The following MACROD2 variants were observed in gnomAD, a reference collection of about 807,000 sequenced individuals.
The protein encoded by MACROD2 is mono-ADP ribosylhydrolase 2.
MACROD2 carries 36 observed loss-of-function variants against 70.4 expected under a neutral mutation model. The observed-to-expected ratio is 0.51, with a 90% CI of 0.39 to 0.68. The LOEUF (loss-of-function observed/expected upper bound fraction) is 0.68, where lower values mean the gene tolerates loss of function less well. Ranked by LOEUF, MACROD2 falls within the 30% of genes least tolerant of loss-of-function variation. The pLI is 0.00. For missense variants in MACROD2, 496 were observed against 538.4 expected, an observed-to-expected ratio of 0.92 and a Z score of 0.78; for synonymous variants, 172 against 178.8, an observed-to-expected ratio of 0.96 and a Z score of 0.30.
At chr20:14,412,461 C>A (rs1424284650) in intron 3 of MACROD2, among the ~76,000 whole-genome samples, 1 of 152,128 alleles carries the variant, frequency 6.6e-6, no homozygotes, top group East Asian at 1.9e-4. Flanking sequence ...TCATTCTCAA[C>A]CAGTTACAGA....
At chr20:14,481,970 A>G (rs974030482) in intron 3 of MACROD2, among the ~76,000 whole-genome samples, 1 of 152,208 alleles carries the variant, frequency 6.6e-6, no homozygotes, top group Non-Finnish European at 1.5e-5. Context: ...CATATTTTCT[A>G]CCTTGATAAG....
chr20:14,571,921 G>A (rs1261336014), intron 4 of MACROD2, among the ~76,000 whole-genome samples: 1 of 152,008 alleles, frequency 6.6e-6, no homozygotes, highest in Non-Finnish European at 1.5e-5. Flanking sequence ...TACTTTATTA[G>A]TTCAAGACTG....
At chr20:14,081,753 T>C (rs2423771) in intron 2 of MACROD2, among the ~76,000 whole-genome samples, 150,906 of 152,338 alleles carry the variant, frequency 0.99, 74,758 homozygotes, top group East Asian at 1. Flanking sequence ...CAAAAATACT[T>C]CATTAGGTTT....
chr20:14,506,927 G>A (rs2084975605), intron 4 of MACROD2, among the ~76,000 whole-genome samples: 1 of 152,078 alleles, frequency 6.6e-6, no homozygotes, highest in Non-Finnish European at 1.5e-5. Flanking sequence ...CTCCAGCCTG[G>A]GTGACAGAGC....
intron 6 of MACROD2, among the ~76,000 whole-genome samples, chr20:15,422,122 G>C (rs1312105515): frequency 1.3e-5 from 2 of 152,122 alleles, no homozygotes; most frequent in Admixed American, 1.3e-4. Flanking sequence ...GAAGGGAGGG[G>C]CTAAGGAAGC....
intron 3 of MACROD2, among the ~76,000 whole-genome samples, chr20:14,305,933 G>T (rs2082517145): frequency 6.6e-6 from 1 of 150,610 alleles, no homozygotes; most frequent in African/African-American, 2.4e-5. Flanking sequence ...CTCCTTTATT[G>T]GTGCCTTTCT....
chr20:14,713,153 A>G (rs1422296677), intron 5 of MACROD2, among the ~76,000 whole-genome samples: 1 of 152,144 alleles, frequency 6.6e-6, no homozygotes. Flanking sequence ...GCATGGGTAC[A>G]TGTGCCTTAG....
At chr20:14,819,506 T>C (rs1251833916) in intron 5 of MACROD2, among the ~76,000 whole-genome samples, 1 of 151,960 alleles carries the variant, frequency 6.6e-6, no homozygotes, top group Non-Finnish European at 1.5e-5. Flanking sequence ...TACCACCTTC[T>C]AAGACAGAGA....
At chr20:15,848,277 T>G (rs1051598591) in intron 8 of MACROD2, among the ~76,000 whole-genome samples, 1 of 152,060 alleles carries the variant, frequency 6.6e-6, no homozygotes, top group Non-Finnish European at 1.5e-5. Context: ...TAAGTCATGA[T>G]TTTCCACCTG....
At chr20:15,501,562 ATCTTT>A (rs2047365073) in intron 8 of MACROD2, among the ~76,000 whole-genome samples, 1 of 152,156 alleles carries the variant, frequency 6.6e-6, no homozygotes, top group African/African-American at 2.4e-5. Context: ...TGCCTACCCT[ATCTTT>A]GAGTCCATTC....
chr20:14,518,653 A>G (rs983610682), intron 4 of MACROD2, among the ~76,000 whole-genome samples: 3 of 152,170 alleles, frequency 2.0e-5, no homozygotes, highest in Non-Finnish European at 4.4e-5. Flanking sequence ...TTGTTAGAGA[A>G]GGTTATGGTA....
In MACROD2 at chr20:14,638,711, G is replaced by A. The variant is rs145982298; in HGVS notation, c.302-46132G>A. Among the ~76,000 whole-genome samples the A allele has an allele frequency of 3.5e-3, 535 of 152,302 alleles. 6 individuals carry two copies. The highest frequency in any genetic ancestry group is 0.012 in the African/African-American group (513 of 41,562). On this transcript the variant is annotated intron_variant, in intron 4 of 17. Transcript: ENST00000684519. Reference sequence around the variant, plus strand: ...CACACCTGTAATCCCAACACTTTGTGAGGCCATGGCGGGAGGATCACGAGA... The same window carrying A: ...CACACCTGTAATCCCAACACTTTGTAAGGCCATGGCGGGAGGATCACGAGA...
At chr20:14,998,944 A>G (rs2074971905) in intron 5 of MACROD2, among the ~76,000 whole-genome samples, 1 of 152,222 alleles carries the variant, frequency 6.6e-6, no homozygotes, top group African/African-American at 2.4e-5. Flanking sequence ...AGACTTCTCA[A>G]TGGCAGCCTT....
chr20:14,086,027 A>G (rs1315521315), intron 3 of MACROD2, among the ~76,000 whole-genome samples: 1 of 152,178 alleles, frequency 6.6e-6, no homozygotes, highest in Admixed American at 6.5e-5. Flanking sequence ...CAAGTATATT[A>G]TTGTTACTTT....
At chr20:16,038,956 C>A in intron 15 of MACROD2, among the ~76,000 whole-genome samples, 1 of 151,730 alleles carries the variant, frequency 6.6e-6, no homozygotes, top group Non-Finnish European at 1.5e-5. Flanking sequence ...CATGCTTGTC[C>A]CCAGGATATA....
chr20:14,251,050 C>T (rs1437157035), intron 3 of MACROD2, among the ~76,000 whole-genome samples: 1 of 151,994 alleles, frequency 6.6e-6, no homozygotes, highest in Non-Finnish European at 1.5e-5. Flanking sequence ...ATTTTGAAAT[C>T]TAAACATATT....
intron 5 of MACROD2, among the ~76,000 whole-genome samples, chr20:14,997,488 A>G (rs1270110424): frequency 6.6e-6 from 1 of 152,162 alleles, no homozygotes; most frequent in African/African-American, 2.4e-5. Context: ...ATTCCCAGCT[A>G]TGGTGGCTGA....
intron 6 of MACROD2, among the ~76,000 whole-genome samples, chr20:15,242,167 A>G (rs571967725): frequency 4.7e-4 from 72 of 152,304 alleles, no homozygotes; most frequent in Middle Eastern, 6.8e-3. Flanking sequence ...TGCCATAGCC[A>G]CAGTCCAGTC....
At chr20:15,708,696 A>G (rs1017884583) in intron 8 of MACROD2, among the ~76,000 whole-genome samples, 52 of 137,940 alleles carry the variant, frequency 3.8e-4, no homozygotes, top group Middle Eastern at 4.1e-3. Context: ...ACAATATCAA[A>G]ACCCCATCTC....
Sources: gnomAD v4.1 joint callset for allele counts (sites outside exome capture counted in the v4.1 genomes callset) on GRCh38, gnomAD v4.1.1 for gene constraint, MANE v1.5 for transcripts, NCBI Gene and HGNC (gene_info 2026-07-23, HGNC 2026-07-21) for gene names.